The following HFM1 variants were observed in gnomAD, a reference collection of about 807,000 sequenced individuals.
HFM1 encodes the protein probable ATP-dependent DNA helicase HFM1.
A neutral mutation model predicts 192.1 loss-of-function variants in HFM1; 169 were observed. That is an observed-to-expected ratio of 0.88 (90% CI 0.78 to 1.00). The LOEUF (loss-of-function observed/expected upper bound fraction) is 1.00. Ranked by LOEUF, HFM1 falls within the 50% of genes least tolerant of loss-of-function variation. HFM1 has a pLI of 0.00. For synonymous variants in HFM1, 525 were observed against 537.8 expected (o/e 0.98, Z 0.33); for missense variants, 1,661 against 1,668.0 (o/e 1.00, Z 0.07).
intron 30 of HFM1, among the ~76,000 whole-genome samples, chr1:91,311,469 T>G (rs1650440323): frequency 1.3e-5 from 2 of 151,772 alleles, no homozygotes; most frequent in African/African-American, 2.4e-5. Flanking sequence ...CTACTAAAAA[T>G]ACAAAAATTA....
Position 91,313,376 on chromosome 1 carries a change from T to C in HFM1, c.3364A>G (p.Ile1122Val), listed in dbSNP as rs1268076642. The C allele has an allele frequency of 3.2e-6, 5 of 1,586,772 alleles. No homozygotes were observed. The highest frequency in any genetic ancestry group is 4.5e-5 in the East Asian group (2 of 44,278). ...TQISHSKHSDISTIAGPNKGT... is the reference protein window; with the variant it reads ...TQISHSKHSDVSTIAGPNKGT... ...TTATTAGGTCCTGCTATTGTAGATATGTCTGAATGTTTAGAATGGGAAATC... is the reference window on the plus strand; with the variant it reads ...TTATTAGGTCCTGCTATTGTAGATACGTCTGAATGTTTAGAATGGGAAATC... The change falls in exon 30 of 39, where the codon ATA becomes GTA. Residue 1122 changes from isoleucine to valine, a missense_variant. Transcript: ENST00000370425.
intron 30 of HFM1, among the ~76,000 whole-genome samples, chr1:91,277,932 T>C (rs1474577283): frequency 7.3e-6 from 1 of 137,026 alleles, no homozygotes; most frequent in Non-Finnish European, 1.5e-5. Flanking sequence ...ATATAATATA[T>C]ATACTTTATA....
chr1:91,347,560 C>A lies in HFM1; in HGVS notation c.2207-84G>T. On this transcript the variant is annotated intron_variant, in intron 18 of 38. Transcript: ENST00000370425. Reference sequence around the variant, plus strand: ...CCCCAGTTAACTAGTGAAGAGCAGTCTAATGAAATCTTATATAAGAAAAAA... The same window carrying A: ...CCCCAGTTAACTAGTGAAGAGCAGTATAATGAAATCTTATATAAGAAAAAA... The A allele has an allele frequency of 4.2e-6, 3 of 717,532 alleles. No homozygotes were observed. The South Asian group carries it at 8.2e-5, about 20-fold the overall frequency. The allele number at this position is 717,532 out of a possible 1,614,324, so 44.4% of individuals were successfully genotyped here. A position where few individuals can be genotyped will look rare whatever the true frequency, so the allele number is the denominator to read the frequency against.
chr1:91,357,587 T>G, intron 13 of HFM1, among the ~76,000 whole-genome samples: 1 of 151,788 alleles, frequency 6.6e-6, no homozygotes, highest in East Asian at 1.9e-4. Flanking sequence ...TTCAACACAG[T>G]ACTGGAAGTA....
chr1:91,378,095 A>G lies in HFM1; in HGVS notation c.1325T>C (p.Leu442Ser). ...MKTVQSVSQT[L>S]KNTSTAIPMR... is the part of the protein sequence containing the mutation. ...TGGAATAGCAGTGCTGGTATTTTTT[A>G]AAGTCTGAGAAACAGACTGTACAGT... The change falls in exon 11 of 39, where the codon TTA becomes TCA. Residue 442 changes from leucine (L) to serine (S), a missense_variant. Transcript: ENST00000370425. The G allele has an allele frequency of 6.2e-7, 1 of 1,611,934 alleles. No homozygotes were observed. Among genetic ancestry groups the G allele is most frequent in the Non-Finnish European group, 8.5e-7 (1 of 1,178,644 alleles).
At position 91,378,177 on chromosome 1, in the gene HFM1, T is replaced by C; in HGVS notation, c.1243A>G (p.Ile415Val). The C allele has an allele frequency of 6.3e-7, 1 of 1,598,942 alleles. No individual in the cohort carries two copies. The highest frequency in any genetic ancestry group is 8.5e-7 in the Non-Finnish European group (1 of 1,174,070). ...GGACCACGATTTTCATCTTTTACAA[T>C]ATGTACCTAAGCAGGAAATCAAGAA... ...VRLFLIDEVH[I>V]VKDENRGPTL... Residue 415 changes from isoleucine to valine, a missense_variant, in exon 11 of 39, where the codon ATT becomes GTT. Transcript: ENST00000370425.
chr1:91,305,673 T>A (rs1050784336), intron 30 of HFM1, among the ~76,000 whole-genome samples: 2 of 152,072 alleles, frequency 1.3e-5, no homozygotes, highest in Admixed American at 1.3e-4. Context: ...ACTCAAGTGA[T>A]CTTCCCATTT....
chr1:91,329,097 A>T, intron 20 of HFM1: 1 of 1,610,166 alleles, frequency 6.2e-7, no homozygotes, highest in South Asian at 1.1e-5. Context: ...TATCTGGAGT[A>T]TTGGGCCCAA....
At chr1:91,325,415 C>T (rs1367618062) in intron 20 of HFM1, among the ~76,000 whole-genome samples, 1 of 152,198 alleles carries the variant, frequency 6.6e-6, no homozygotes, top group Non-Finnish European at 1.5e-5. Flanking sequence ...CACAGGAGTG[C>T]TTACATCAGC....
intron 20 of HFM1, chr1:91,328,259 C>A (rs1653218672): frequency 1.5e-6 from 1 of 670,206 alleles, no homozygotes; most frequent in Non-Finnish European, 2.3e-6. Context: ...TGTCAGGCGA[C>A]CCGCAGCTAA....
intron 2 of HFM1, among the ~76,000 whole-genome samples, chr1:91,399,258 A>G (rs1205800078): frequency 1.3e-5 from 2 of 152,118 alleles, no homozygotes; most frequent in Non-Finnish European, 2.9e-5. Context: ...TATAATATGT[A>G]TTATAGTCTG....
chr1:91,269,756 G>A (rs281968), intron 34 of HFM1, among the ~76,000 whole-genome samples: 44,627 of 152,076 alleles, frequency 0.29, 6,723 homozygotes, highest in Non-Finnish European at 0.32. Flanking sequence ...AAGAGTAGTC[G>A]GAATTTCAGC....
chr1:91,348,673 A>T (rs1048682256), intron 18 of HFM1, among the ~76,000 whole-genome samples: 1 of 152,118 alleles, frequency 6.6e-6, no homozygotes, highest in African/African-American at 2.4e-5. Flanking sequence ...TAATCACAGC[A>T]CTTTGGGAGG....
intron 20 of HFM1, among the ~76,000 whole-genome samples, chr1:91,338,439 C>G (rs1046973223): frequency 6.6e-6 from 1 of 152,210 alleles, no homozygotes; most frequent in African/African-American, 2.4e-5. Flanking sequence ...CCCTCCATGG[C>G]CAAGCTCACT....
intron 6 of HFM1, among the ~76,000 whole-genome samples, chr1:91,383,963 A>G (rs1235245198): frequency 6.6e-6 from 1 of 152,126 alleles, no homozygotes; most frequent in Admixed American, 6.5e-5. Context: ...TTATACCTCA[A>G]CAAAGCTGGG....
chr1:91,285,226 G>A (rs1196966896), intron 30 of HFM1, among the ~76,000 whole-genome samples: 8 of 151,904 alleles, frequency 5.3e-5, no homozygotes, highest in Admixed American at 2.0e-4. Context: ...GCATGAAAAC[G>A]GACTAATATA....
At chr1:91,357,998 T>C (rs929207618) in intron 13 of HFM1, among the ~76,000 whole-genome samples, 1 of 152,174 alleles carries the variant, frequency 6.6e-6, no homozygotes, top group Non-Finnish European at 1.5e-5. Context: ...AGAATTAATA[T>C]TGTTAAAATG....
At chr1:91,277,600 C>A (rs28474816) in intron 30 of HFM1, among the ~76,000 whole-genome samples, 3,494 of 49,502 alleles carry the variant, frequency 0.071, 499 homozygotes, top group African/African-American at 0.11. Flanking sequence ...AATATATATA[C>A]TTTATATATA....
chr1:91,383,275 G>A (rs12409797), intron 6 of HFM1, among the ~76,000 whole-genome samples: 138 of 152,258 alleles, frequency 9.1e-4, no homozygotes, highest in Admixed American at 6.1e-3. Flanking sequence ...AGGCTTTCCA[G>A]TAAGGGATAA....
Sources: allele counts gnomAD v4.1 joint callset (sites outside exome capture counted in the v4.1 genomes callset), GRCh38; gene constraint gnomAD v4.1.1; transcripts MANE v1.5; gene names NCBI Gene and HGNC (gene_info 2026-07-23, HGNC 2026-07-21).